Variants in VPS37A observed in about 807,000 individuals in gnomAD.
VPS37A encodes VPS37A subunit of ESCRT-I.
Under a neutral mutation model 49.8 loss-of-function variants are expected in VPS37A, and 30 were observed. That is an observed-to-expected ratio of 0.60 (90% CI 0.45 to 0.82). VPS37A has a LOEUF of 0.82. VPS37A is among the 40% of genes least tolerant of loss of function. VPS37A has a pLI of 0.00. For missense variants in VPS37A, 593 were observed against 464.4 expected (o/e 1.28, Z -2.55); for synonymous variants, 195 against 160.6 (o/e 1.21, Z -1.62).
chr8:17,294,050 A>C (rs1162683388), intron 11 of VPS37A, among the ~76,000 whole-genome samples: 1 of 152,216 alleles, frequency 6.6e-6, no homozygotes. Flanking sequence ...AGCTGCGCCC[A>C]CAGCCACCCC....
chr8:17,308,063 AATG>A, the VPS37A span, among the ~76,000 whole-genome samples: 2 of 151,972 alleles, frequency 1.3e-5, no homozygotes, highest in Non-Finnish European at 2.9e-5. Context: ...ATAAAAATAA[AATG>A]AGGAAGAAAA....
intron 1 of VPS37A, among the ~76,000 whole-genome samples, chr8:17,251,089 C>T (rs1468065921): frequency 6.6e-6 from 1 of 152,120 alleles, no homozygotes; most frequent in African/African-American, 2.4e-5. Flanking sequence ...CTGCAAGGCC[C>T]ATACTTTGTG....
intron 11 of VPS37A, among the ~76,000 whole-genome samples, chr8:17,293,911 T>C (rs1816371725): frequency 6.6e-6 from 1 of 152,194 alleles, no homozygotes; most frequent in South Asian, 2.1e-4. Flanking sequence ...GGTGTCTGCC[T>C]GTCAGGAGGC....
chr8:17,302,707 C>A (rs1180422052), downstream of VPS37A, among the ~76,000 whole-genome samples: 3 of 54,640 alleles, frequency 5.5e-5, no homozygotes, highest in African/African-American at 8.9e-5. Flanking sequence ...GCAATAACCC[C>A]CCCCCCCCCG....
At chr8:17,253,008 G>A (rs907532147) in intron 1 of VPS37A, among the ~76,000 whole-genome samples, 1 of 152,108 alleles carries the variant, frequency 6.6e-6, no homozygotes, top group African/African-American at 2.4e-5. Context: ...TGATTAAGAC[G>A]TATAATTGCA....
the VPS37A span, among the ~76,000 whole-genome samples, chr8:17,330,423 G>A: frequency 6.6e-6 from 1 of 152,242 alleles, no homozygotes; most frequent in Admixed American, 6.5e-5. Context: ...AGAGCCGGAA[G>A]TGGTAGACTA....
intron 2 of VPS37A, 61 bp downstream of exon 2, chr8:17,266,042 C>T: frequency 1.4e-6 from 2 of 1,440,570 alleles, no homozygotes; most frequent in Non-Finnish European, 1.9e-6. Flanking sequence ...TTTATTGTTT[C>T]TTAGTTATTA....
downstream of VPS37A, chr8:17,299,765 A>G (rs1816979640): frequency 1.3e-6 from 2 of 1,511,708 alleles, no homozygotes; most frequent in Non-Finnish European, 1.8e-6. Flanking sequence ...TCTCAATGAC[A>G]TGCACCATTT....
At chr8:17,265,762 C>T (rs764706252) in intron 1 of VPS37A, 145 bp from the exon 2 acceptor site, 32 of 1,534,332 alleles carry the variant, frequency 2.1e-5, no homozygotes, top group Non-Finnish European at 2.7e-5. Flanking sequence ...CATTTTCCTT[C>T]CCCTCAAGAT....
In VPS37A at chr8:17,247,230, G is replaced by C. The variant is rs1395126556; in HGVS notation, c.-15G>C. On this transcript the variant is annotated 5_prime_UTR_variant, in exon 1 of 12. Coordinates refer to ENST00000324849, the MANE Select transcript of VPS37A (RefSeq NM_152415.3). ...CAGAGCCTTCCAGGGCCTCCGGCCC[G>C]TGGACCCGAGGAGGATGAGCTGGCT... 6.4e-7 allele frequency: 1 copy of C among 1,565,558 alleles called. No individual in the cohort carries two copies. The highest frequency in any genetic ancestry group is 2.4e-5 in the East Asian group (1 of 41,902).
At chr8:17,314,428 ATGGGGAAGG>A in the VPS37A span, among the ~76,000 whole-genome samples, 1 of 152,198 alleles carries the variant, frequency 6.6e-6, no homozygotes, top group Non-Finnish European at 1.5e-5. Flanking sequence ...CATTTTTAAA[ATGGGGAAGG>A]TGTATAAATT....
chr8:17,319,217 C>G, the VPS37A span, among the ~76,000 whole-genome samples: 2 of 152,190 alleles, frequency 1.3e-5, no homozygotes, highest in African/African-American at 4.8e-5. Flanking sequence ...GTAACCTGGG[C>G]TAGTTACTGA....
At chr8:17,327,568 C>T in the VPS37A span, among the ~76,000 whole-genome samples, 1 of 152,094 alleles carries the variant, frequency 6.6e-6, no homozygotes, top group Non-Finnish European at 1.5e-5. Context: ...TAGGCATGAG[C>T]CTCCATGCCC....
At chr8:17,265,731 A>G in intron 1 of VPS37A, 176 bp from the exon 2 acceptor site, 3 of 1,504,818 alleles carry the variant, frequency 2.0e-6, no homozygotes, top group Non-Finnish European at 2.7e-6. Flanking sequence ...TGCTTAGATG[A>G]TGAGCCTTTC....
the VPS37A span, among the ~76,000 whole-genome samples, chr8:17,317,572 C>T: frequency 6.6e-6 from 1 of 152,142 alleles, no homozygotes; most frequent in South Asian, 2.1e-4. Context: ...GGTTGACTTT[C>T]CAGAAAGTGT....
At chr8:17,325,805 G>T in the VPS37A span, among the ~76,000 whole-genome samples, 1 of 152,152 alleles carries the variant, frequency 6.6e-6, no homozygotes, top group African/African-American at 2.4e-5. Context: ...TTTGAATAAA[G>T]AAATTCAGCA....
downstream of VPS37A, among the ~76,000 whole-genome samples, chr8:17,307,013 G>A (rs1035450469): frequency 1.2e-4 from 18 of 152,116 alleles, no homozygotes; most frequent in Non-Finnish European, 2.1e-4. Flanking sequence ...CAAAAGCAAT[G>A]GCAGCAAAAG....
chr8:17,257,547 G>T (rs1243974326), intron 1 of VPS37A, among the ~76,000 whole-genome samples: 1 of 152,116 alleles, frequency 6.6e-6, no homozygotes, highest in Non-Finnish European at 1.5e-5. Flanking sequence ...GTGACGGGTT[G>T]ATGGGTGCAG....
At chr8:17,322,168 T>C in the VPS37A span, among the ~76,000 whole-genome samples, 3 of 152,116 alleles carry the variant, frequency 2.0e-5, no homozygotes, top group East Asian at 5.8e-4. Context: ...TTTGGAGTCA[T>C]GAAGCCAAGA....
Sources: allele counts gnomAD v4.1 joint callset (sites outside exome capture counted in the v4.1 genomes callset), GRCh38; gene constraint gnomAD v4.1.1; transcripts MANE v1.5; gene names NCBI Gene and HGNC (gene_info 2026-07-23, HGNC 2026-07-21).